The following SLC17A1 variants were observed in gnomAD, a reference collection of about 807,000 sequenced individuals.
SLC17A1 encodes the protein solute carrier family 17 member 1.
A neutral mutation model predicts 53.5 loss-of-function variants in SLC17A1; 51 were observed. The observed-to-expected ratio is 0.95, with a 90% CI of 0.76 to 1.20. The LOEUF is 1.20. SLC17A1 is among the 50% of genes most tolerant of loss of function. SLC17A1 has a pLI of 0.00. For missense variants in SLC17A1, 538 were observed against 568.2 expected, an observed-to-expected ratio of 0.95 and a Z score of 0.54; for synonymous variants, 179 against 198.8, an observed-to-expected ratio of 0.90 and a Z score of 0.84.
Position 25,812,840 on chromosome 6 carries a change from A to AT in SLC17A1, c.887dup (p.Asn296LysfsTer21). On this transcript the variant is annotated frameshift_variant, in exon 8 of 13. Coordinates refer to ENST00000244527, the MANE Select transcript of SLC17A1 (RefSeq NM_005074.5). LOFTEE classifies it high-confidence loss of function. Reference sequence around the variant, plus strand: ...CAAATAGTATACTTACCTCTTTTATATTAACATGAAGCATGGAGTTGATAA... The same window carrying AT: ...CAAATAGTATACTTACCTCTTTTATATTTAACATGAAGCATGGAGTTGATAA... 6.2e-7 allele frequency: 1 copy of AT among 1,604,938 alleles called. No homozygotes were observed. Among genetic ancestry groups the AT allele is most frequent in the Non-Finnish European group, 8.5e-7 (1 of 1,174,920 alleles).
chr6:25,750,151 G>A, the SLC17A1 span, among the ~76,000 whole-genome samples: 1 of 152,190 alleles, frequency 6.6e-6, no homozygotes, highest in African/African-American at 2.4e-5. Context: ...TTGGCTTCAG[G>A]GATGGGATAG....
chr6:25,812,780 G>C lies in SLC17A1; in HGVS notation c.897+51C>G, dbSNP rs756388852. 1.9e-4 allele frequency: 266 copies of C among 1,405,964 alleles called. 1 individual carries two copies. The highest frequency in any genetic ancestry group is 2.5e-4 in the Non-Finnish European group (255 of 1,019,754). 87.1% of individuals were successfully genotyped at this position (1,405,964 alleles called of 1,614,324 possible). On this transcript the variant is annotated intron_variant, in intron 8 of 12. Transcript: ENST00000244527. The stretch of plus-strand genomic sequence containing the variant: ...CTAGGGTCGTTAGAGACAGACAAAT[G>C]TACACAGAGTCTTTCGTGAAGTTAA...
At position 25,784,721 on chromosome 6, in the gene SLC17A1, C is replaced by CAT. The variant is rs1211042143; in HGVS notation, c.*3-1505_*3-1504dup. On this transcript the variant is annotated intron_variant, in intron 12 of 12. Coordinates refer to ENST00000244527, the MANE Select transcript of SLC17A1 (RefSeq NM_005074.5). ...TATTGTTCAGGATGTCATAAAAAGC[C>CAT]ATATGGCTTTTAGAGTCATACGGCT... Among the ~76,000 whole-genome samples, 13 of 152,202 alleles carry CAT rather than the reference C, an allele frequency of 8.5e-5. No individual in the cohort carries two copies. The South Asian group carries it at 2.5e-3, about 29-fold the overall frequency.
In SLC17A1 at chr6:25,831,977, G is replaced by A. The variant is rs1202219614; in HGVS notation, c.-51+17C>T. ...CAACTGATTGCTCATTTCATTTAAT[G>A]AGCCCCGTAGACTAACCTGATTCGG... On this transcript the variant is annotated intron_variant, in intron 1 of 12. Transcript: ENST00000244527. 3 of 152,058 alleles carry A rather than the reference G, an allele frequency of 2.0e-5. No homozygotes were observed. The highest frequency in any genetic ancestry group is 4.4e-5 in the Non-Finnish European group (3 of 68,026). The allele number at this position is 152,058 out of a possible 1,614,324, so 9.4% of individuals were successfully genotyped here.
At chr6:25,753,788 G>C in the SLC17A1 span, among the ~76,000 whole-genome samples, 1 of 152,078 alleles carries the variant, frequency 6.6e-6, no homozygotes, top group African/African-American at 2.4e-5. Context: ...TACTCAAGGA[G>C]AGATGGATGA....
chr6:25,774,273 T>A, the SLC17A1 span, among the ~76,000 whole-genome samples: 1 of 152,210 alleles, frequency 6.6e-6, no homozygotes, highest in African/African-American at 2.4e-5. Context: ...ATACTCTGAA[T>A]GGCTGACAGG....
chr6:25,810,276 C>T (rs1409193615), intron 10 of SLC17A1, among the ~76,000 whole-genome samples: 1 of 152,002 alleles, frequency 6.6e-6, no homozygotes, highest in Non-Finnish European at 1.5e-5. Flanking sequence ...TTATATCAAA[C>T]TAAACAGCTT....
chr6:25,727,137 A>G, the SLC17A1 span: 2 of 1,614,086 alleles, frequency 1.2e-6, no homozygotes, highest in African/African-American at 1.3e-5. Flanking sequence ...GCGTATAGCG[A>G]GCGAGGCATC....
the SLC17A1 span, chr6:25,762,131 T>A: frequency 7.8e-7 from 1 of 1,287,054 alleles, no homozygotes; most frequent in Non-Finnish European, 1.1e-6. Flanking sequence ...TAAATAAAAC[T>A]AGGATCTGTG....
intron 2 of SLC17A1, 63 bp downstream of exon 2, chr6:25,830,461 G>A: frequency 8.2e-7 from 1 of 1,225,222 alleles, no homozygotes; most frequent in South Asian, 1.2e-5. Context: ...CTTCCACATG[G>A]AATCTGTGAT....
the SLC17A1 span, chr6:25,727,238 A>G: frequency 3.7e-6 from 6 of 1,613,532 alleles, no homozygotes; most frequent in African/African-American, 2.7e-5. Context: ...AGCTGGCTAA[A>G]CATGCTGTGT....
At position 25,813,144 on chromosome 6, in the gene SLC17A1, C is replaced by T. The variant is rs1431175740; in HGVS notation, c.686G>A (p.Cys229Tyr). The T allele has an allele frequency of 8.7e-6, 14 of 1,614,042 alleles. No individual in the cohort carries two copies. Among genetic ancestry groups the T allele is most frequent in the Non-Finnish European group, 1.2e-5 (14 of 1,180,032 alleles). Residue 229 changes from cysteine to tyrosine, a missense_variant, in exon 7 of 13, where the codon TGT becomes TAT. Transcript: ENST00000244527. The part of the protein sequence containing the change: ...LFYDDPKDHP[C>Y]ISISEKEYIT... ...GTATTCCTTTTCACTGATGCTTATA[C>T]ATGGGTGGTCTTTGGGGTCATCATA...
At chr6:25,816,203 G>A (rs1764350469) in intron 6 of SLC17A1, among the ~76,000 whole-genome samples, 1 of 152,116 alleles carries the variant, frequency 6.6e-6, no homozygotes. Flanking sequence ...AATCTCTGGC[G>A]ACTAGACTGA....
chr6:25,804,775 A>G (rs1763898556), intron 10 of SLC17A1, among the ~76,000 whole-genome samples: 1 of 152,152 alleles, frequency 6.6e-6, no homozygotes, highest in African/African-American at 2.4e-5. Flanking sequence ...ACAACAGTAA[A>G]AAAAGACAAA....
At chr6:25,749,168 A>G in the SLC17A1 span, among the ~76,000 whole-genome samples, 1 of 152,250 alleles carries the variant, frequency 6.6e-6, no homozygotes, top group East Asian at 1.9e-4. Flanking sequence ...CTTTCCAGGC[A>G]GAGGTCCCTG....
the SLC17A1 span, among the ~76,000 whole-genome samples, chr6:25,749,818 A>C: frequency 6.6e-6 from 1 of 152,336 alleles, no homozygotes; most frequent in Non-Finnish European, 1.5e-5. Flanking sequence ...ATTAGAAATA[A>C]CATGTTTCCA....
At chr6:25,755,048 TACACACACAC>T in the SLC17A1 span, among the ~76,000 whole-genome samples, 25 of 145,052 alleles carry the variant, frequency 1.7e-4, no homozygotes, top group Middle Eastern at 3.5e-3. Flanking sequence ...CACACACACA[TACACACACAC>T]ACACACACAC....
chr6:25,742,802 AAAT>A, the SLC17A1 span, among the ~76,000 whole-genome samples: 5 of 152,184 alleles, frequency 3.3e-5, no homozygotes, highest in Non-Finnish European at 5.9e-5. Context: ...ATTTCTCAAA[AAAT>A]AATAATAAAA....
At chr6:25,777,354 T>A in the SLC17A1 span, 1 of 178,840 alleles carries the variant, frequency 5.6e-6, no homozygotes, top group African/African-American at 2.4e-5. Context: ...CTGTCTCTGA[T>A]ACAGTAAAAA....
Sources: gnomAD v4.1 joint callset for allele counts (sites outside exome capture counted in the v4.1 genomes callset) on GRCh38, gnomAD v4.1.1 for gene constraint, MANE v1.5 for transcripts, NCBI Gene and HGNC (gene_info 2026-07-23, HGNC 2026-07-21) for gene names.